Variants in CAMTA1 observed in about 807,000 individuals in gnomAD.
CAMTA1 encodes the protein calmodulin-binding transcription activator 1.
CAMTA1 carries 27 observed loss-of-function variants against 170.9 expected under a neutral mutation model. The observed-to-expected ratio is 0.16, with a 90% CI of 0.12 to 0.22. CAMTA1 has a LOEUF of 0.22. Ranked by LOEUF, CAMTA1 falls within the 10% of genes least tolerant of loss-of-function variation. The pLI, the probability that CAMTA1 is intolerant of heterozygous loss-of-function variation, is 1.00. For missense variants in CAMTA1, 1,619 were observed against 2,217.2 expected (o/e 0.73, Z 5.42); for synonymous variants, 833 against 891.5 (o/e 0.93, Z 1.17).
chr1:6,985,148 G>C (rs1695146560), intron 3 of CAMTA1, among the ~76,000 whole-genome samples: 1 of 152,244 alleles, frequency 6.6e-6, no homozygotes, highest in Admixed American at 6.5e-5. Context: ...CCCATTTGGA[G>C]CTGTGAGTGT....
chr1:7,186,518 A>G (rs532009072), intron 4 of CAMTA1, among the ~76,000 whole-genome samples: 1 of 152,242 alleles, frequency 6.6e-6, no homozygotes, highest in Non-Finnish European at 1.5e-5. Context: ...GGGGGATGAC[A>G]GATGGCAGCC....
chr1:7,097,766 A>G lies in CAMTA1; in HGVS notation c.302+6395A>G, dbSNP rs1230988915. 2.0e-4 allele frequency among the ~76,000 whole-genome samples: 30 copies of G among 152,180 alleles called. 1 individual carries two copies. Among genetic ancestry groups the G allele is most frequent in the Admixed American group, 2.0e-3 (30 of 15,276 alleles). ...ATAAGCCAGACGCAAAGAGCCACAC[A>G]TTGTGTGATGTGCTGACTGAGGGAT... is the stretch of plus-strand genomic sequence containing the variant. On this transcript the variant is annotated intron_variant, in intron 4 of 22. Transcript: ENST00000303635.
rs981963061 is a variant in CAMTA1 at position 7,327,198 on chromosome 1, C to T, written c.438+77572C>T. ...TTGGGAGGCCGAGGCAGGCGGATCACGAGGTCAGGAGATCGAGACCACGGT... is the reference window on the plus strand; with the variant it reads ...TTGGGAGGCCGAGGCAGGCGGATCATGAGGTCAGGAGATCGAGACCACGGT... On this transcript the variant is annotated intron_variant, in intron 5 of 22. Transcript: ENST00000303635. Among the ~76,000 whole-genome samples, 13 of 151,630 alleles carry T rather than the reference C, an allele frequency of 8.6e-5. No homozygotes were observed. In the South Asian group the frequency reaches 1.9e-3, roughly 22 times the overall value.
chr1:7,616,451 G>T (rs973679363), intron 6 of CAMTA1, among the ~76,000 whole-genome samples: 10 of 152,262 alleles, frequency 6.6e-5, no homozygotes, highest in African/African-American at 2.4e-4. Context: ...AGGCAGGGAG[G>T]CATCCTAAAT....
chr1:7,278,540 A>G (rs72863534), intron 5 of CAMTA1, among the ~76,000 whole-genome samples: 2,177 of 152,332 alleles, frequency 0.014, 55 homozygotes, highest in African/African-American at 0.05. Context: ...TTCATCGATG[A>G]GAAACTGAGG....
In CAMTA1 at chr1:6,997,992, CTT is replaced by C. The variant is rs988885735; in HGVS notation, c.235-93310_235-93309del. ...TTTATTACAAATTTTTTTTCCATCT[CTT>C]TATCTTTTTTTTGATGCATTCTGGT... On this transcript the variant is annotated intron_variant, in intron 3 of 22. Transcript: ENST00000303635. Among the ~76,000 whole-genome samples the C allele has an allele frequency of 8.5e-5, 13 of 152,060 alleles. No homozygotes were observed. In the South Asian group the frequency reaches 1.9e-3, roughly 22 times the overall value.
At chr1:7,394,758 A>G (rs2089104480) in intron 5 of CAMTA1, among the ~76,000 whole-genome samples, 1 of 151,594 alleles carries the variant, frequency 6.6e-6, no homozygotes, top group African/African-American at 2.4e-5. Flanking sequence ...TATTTTTAAA[A>G]AATCCTTACC....
At chr1:7,613,781 T>G (rs1007495841) in intron 6 of CAMTA1, among the ~76,000 whole-genome samples, 319 of 35,524 alleles carry the variant, frequency 9.0e-3, no homozygotes, top group Middle Eastern at 0.011. Flanking sequence ...CCTGGAGGGG[T>G]GGGTGGGAGC....
chr1:7,701,387 G>A (rs2096438347), intron 11 of CAMTA1, among the ~76,000 whole-genome samples: 1 of 152,048 alleles, frequency 6.6e-6, no homozygotes, highest in Non-Finnish European at 1.5e-5. Flanking sequence ...GCAGGGTTAG[G>A]GCTGATATAT....
chr1:7,151,280 T>G (rs9434482), intron 4 of CAMTA1, among the ~76,000 whole-genome samples: 119,235 of 152,210 alleles, frequency 0.78, 47,594 homozygotes, highest in African/African-American at 0.95. Flanking sequence ...TCCTCTGAAA[T>G]GTAGCACCCG....
intron 3 of CAMTA1, among the ~76,000 whole-genome samples, chr1:7,047,524 C>T (rs1558021107): frequency 6.6e-6 from 1 of 152,262 alleles, no homozygotes; most frequent in South Asian, 2.1e-4. Context: ...CTCTCTTCTC[C>T]ATTCCTGTCC....
At chr1:6,799,254 A>T (rs896604687) in intron 1 of CAMTA1, among the ~76,000 whole-genome samples, 3 of 152,036 alleles carry the variant, frequency 2.0e-5, no homozygotes, top group African/African-American at 7.2e-5. Flanking sequence ...AATTTTATGG[A>T]GAAAGGGTCT....
intron 5 of CAMTA1, among the ~76,000 whole-genome samples, chr1:7,338,667 C>T (rs1437129442): frequency 1.3e-5 from 2 of 151,860 alleles, no homozygotes; most frequent in Admixed American, 6.6e-5. Flanking sequence ...GTGTGTGCCA[C>T]GAGAAAGAAA....
chr1:7,410,935 GTA>G, intron 5 of CAMTA1, among the ~76,000 whole-genome samples: 1 of 151,904 alleles, frequency 6.6e-6, no homozygotes, highest in East Asian at 1.9e-4. Flanking sequence ...ATGTCTGTGT[GTA>G]TGTGTGTATA....
chr1:7,023,930 A>T (rs1267952309), intron 3 of CAMTA1, among the ~76,000 whole-genome samples: 7 of 150,236 alleles, frequency 4.7e-5, no homozygotes, highest in Non-Finnish European at 1.0e-4. Flanking sequence ...CAGGAGGCTG[A>T]GGCAGGAGAA....
intron 3 of CAMTA1, among the ~76,000 whole-genome samples, chr1:6,859,117 T>C (rs1310795361): frequency 6.6e-6 from 1 of 152,178 alleles, no homozygotes; most frequent in Non-Finnish European, 1.5e-5. Context: ...TATCCTAAAA[T>C]TGTACATCCT....
rs1007661379 is a variant in CAMTA1 at position 7,463,531 on chromosome 1, A to G, written c.439-4299A>G. 6.6e-6 allele frequency among the ~76,000 whole-genome samples: 1 copy of G among 152,008 alleles called. No homozygotes were observed. The highest frequency in any genetic ancestry group is 1.5e-5 in the Non-Finnish European group (1 of 68,004). ...AAGAGACTGAGAAAGAGATTGAGAG[A>G]CAGGGAGAGACAGAGAGAGAAAGAA... On this transcript the variant is annotated intron_variant, in intron 5 of 22. Transcript: ENST00000303635. This position sits in a 1 kb window ranked among gnomAD's most constrained non-coding sequence, Gnocchi z 4.7.
intron 5 of CAMTA1, among the ~76,000 whole-genome samples, chr1:7,429,817 A>G (rs1209028648): frequency 6.6e-6 from 1 of 152,162 alleles, no homozygotes; most frequent in Non-Finnish European, 1.5e-5. Flanking sequence ...GCCTCAGGAA[A>G]CTTTCAATCA....
chr1:6,975,322 G>A (rs1693222070), intron 3 of CAMTA1, among the ~76,000 whole-genome samples: 2 of 152,190 alleles, frequency 1.3e-5, no homozygotes, highest in South Asian at 2.1e-4. Flanking sequence ...AAGAAGCAGC[G>A]GAGTGGCATG....
Sources: gnomAD v4.1 joint callset for allele counts (sites outside exome capture counted in the v4.1 genomes callset) on GRCh38, gnomAD v4.1.1 for gene constraint, Gnocchi (gnomAD v3.1) non-coding constraint, MANE v1.5 for transcripts, NCBI Gene and HGNC (gene_info 2026-07-23, HGNC 2026-07-21) for gene names.